YES1: variants seen among roughly 807,000 people sequenced by gnomAD.
YES1 encodes the protein tyrosine-protein kinase Yes.
YES1 carries 39 observed loss-of-function variants against 70.4 expected under a neutral mutation model. The ratio of observed to expected loss-of-function variants is 0.55; its 90% CI spans 0.43 to 0.72. The LOEUF is 0.72. Among genes scored for constraint, YES1 ranks in the 30% least tolerant of loss-of-function variants. The pLI, the probability that YES1 is intolerant of heterozygous loss-of-function variation, is 0.00. For missense variants in YES1, 495 were observed against 644.8 expected, an observed-to-expected ratio of 0.77 and a Z score of 2.52; for synonymous variants, 198 against 218.6, an observed-to-expected ratio of 0.91 and a Z score of 0.83.
At chr18:787,667 G>A (rs183586541) in intron 1 of YES1, among the ~76,000 whole-genome samples, 60 of 151,624 alleles carry the variant, frequency 4.0e-4, no homozygotes, top group Non-Finnish European at 6.8e-4. Flanking sequence ...CTGAAATCGC[G>A]CCACTGCACT....
chr18:740,636 A>C (rs2080206617), intron 8 of YES1, among the ~76,000 whole-genome samples: 4 of 152,188 alleles, frequency 2.6e-5, no homozygotes, highest in Admixed American at 2.6e-4. Context: ...TGGGACAATG[A>C]GTTTGGACAG....
At chr18:804,368 G>A (rs919509304) in intron 1 of YES1, among the ~76,000 whole-genome samples, 1 of 152,180 alleles carries the variant, frequency 6.6e-6, no homozygotes, top group Non-Finnish European at 1.5e-5. Context: ...AATACTTTGG[G>A]AGGCCAAGGC....
chr18:722,400 T>TA lies in YES1; in HGVS notation c.*2023dup, dbSNP rs1314440168. On this transcript the variant is annotated 3_prime_UTR_variant, in exon 12 of 12. Coordinates refer to ENST00000314574, the MANE Select transcript of YES1 (RefSeq NM_005433.4). ...TAAAAATGGTTTGAATTTGAACATATATGCCATGGCACAGAATTTCGAATC... is the reference window on the plus strand; with the variant it reads ...TAAAAATGGTTTGAATTTGAACATATAATGCCATGGCACAGAATTTCGAATC... 5 of 152,610 alleles carry TA rather than the reference T, an allele frequency of 3.3e-5. No homozygotes were observed. The highest frequency in any genetic ancestry group is 1.2e-4 in the African/African-American group (5 of 41,430). 9.5% of individuals were successfully genotyped at this position (152,610 alleles called of 1,614,324 possible). A position where few individuals can be genotyped will look rare whatever the true frequency, so the allele number is the denominator to read the frequency against.
chr18:726,749 C>T (rs957913390), intron 11 of YES1, among the ~76,000 whole-genome samples: 3 of 125,224 alleles, frequency 2.4e-5, no homozygotes, highest in Non-Finnish European at 4.7e-5. Flanking sequence ...CCACTGCACT[C>T]CAGCCTGGGT....
chr18:739,442 T>A (rs1019228438), intron 9 of YES1: 13 of 225,426 alleles, frequency 5.8e-5, no homozygotes, highest in African/African-American at 2.7e-4. Flanking sequence ...ACAAAAAAAA[T>A]AATTTTTTAA....
intron 1 of YES1, among the ~76,000 whole-genome samples, chr18:766,242 T>G (rs896686587): frequency 2.6e-5 from 4 of 152,164 alleles, no homozygotes; most frequent in Admixed American, 2.0e-4. Flanking sequence ...GTTGGCTAGT[T>G]GAGCCATGAG....
intron 4 of YES1, 119 bp downstream of exon 4, chr18:747,801 C>T (rs1430113491): frequency 2.5e-6 from 2 of 797,704 alleles, no homozygotes; most frequent in Non-Finnish European, 4.0e-6. Flanking sequence ...TAATATGATA[C>T]ATAAGCTGTA....
chr18:765,467 T>C (rs1904859321), intron 1 of YES1, among the ~76,000 whole-genome samples: 1 of 150,442 alleles, frequency 6.6e-6, no homozygotes. Flanking sequence ...GGCGTGATCT[T>C]GGCTCAGTGC....
chr18:760,942 A>G (rs922851327), intron 1 of YES1, among the ~76,000 whole-genome samples: 3 of 152,220 alleles, frequency 2.0e-5, no homozygotes, highest in African/African-American at 7.2e-5. Flanking sequence ...CTTATGCATG[A>G]AAAGAAAAAG....
chr18:792,684 T>G (rs1906330346), intron 1 of YES1, among the ~76,000 whole-genome samples: 1 of 151,684 alleles, frequency 6.6e-6, no homozygotes, highest in Non-Finnish European at 1.5e-5. Context: ...GCAGCAGCCA[T>G]GTGCAGTGGC....
At chr18:773,818 C>G (rs1280499624) in intron 1 of YES1, among the ~76,000 whole-genome samples, 1 of 147,162 alleles carries the variant, frequency 6.8e-6, no homozygotes, top group Non-Finnish European at 1.5e-5. Flanking sequence ...CTCTCTCTCT[C>G]TTCCTTAAAA....
chr18:779,836 G>A (rs1426644694), intron 1 of YES1, among the ~76,000 whole-genome samples: 2 of 151,638 alleles, frequency 1.3e-5, no homozygotes, highest in East Asian at 1.9e-4. Context: ...GGCACTGCAC[G>A]TACTCTTCTT....
chr18:811,660 C>G (rs995772123), intron 1 of YES1, among the ~76,000 whole-genome samples: 1 of 152,362 alleles, frequency 6.6e-6, no homozygotes, highest in African/African-American at 2.4e-5. Context: ...GCCCCACACA[C>G]CCGCTCCTCT....
At chr18:767,994 C>T (rs1241757038) in intron 1 of YES1, among the ~76,000 whole-genome samples, 1 of 152,184 alleles carries the variant, frequency 6.6e-6, no homozygotes, top group East Asian at 1.9e-4. Flanking sequence ...AGCCACTGTG[C>T]CCAGCCTTTT....
intron 1 of YES1, among the ~76,000 whole-genome samples, chr18:794,601 A>G (rs747250955): frequency 1.2e-4 from 19 of 152,120 alleles, no homozygotes; most frequent in Non-Finnish European, 2.5e-4. Context: ...ATTATGTCAT[A>G]GTTCTGGAGG....
chr18:736,895 T>C lies in YES1; in HGVS notation c.1204A>G (p.Ile402Val). 6.2e-7 allele frequency: 1 copy of C among 1,612,956 alleles called. No individual in the cohort carries two copies. The highest frequency in any genetic ancestry group is 1.7e-5 in the Admixed American group (1 of 60,018). ...CACACAAGATTTTCTCCTACAAGAA[T>C]ATTAGCAGCCCGAAGATCTCGGTGA... The part of the protein sequence containing the change: ...YIHRDLRAAN[I>V]LVGENLVCKI... Residue 402 changes from isoleucine (I) to valine (V), a missense_variant, in exon 10 of 12, where the codon ATT becomes GTT. Physicochemically the swap from Ile to Val is conservative, Grantham distance 29. This residue lies in a region of YES1 where 385 missense variants were observed against 540.9 expected (regional missense o/e 0.71). Transcript: ENST00000314574.
intron 8 of YES1, among the ~76,000 whole-genome samples, 175 bp downstream of exon 8, chr18:742,743 C>T (rs1033887118): frequency 6.6e-6 from 1 of 152,158 alleles, no homozygotes; most frequent in Non-Finnish European, 1.5e-5. Flanking sequence ...GTCATACTAT[C>T]CTCTGGAATA....
chr18:785,634 G>A lies in YES1; in HGVS notation c.-9+26480C>T, dbSNP rs149398061. Among the ~76,000 whole-genome samples the A allele has an allele frequency of 1.9e-3, 283 of 152,296 alleles. 1 individual carries two copies. The highest frequency in any genetic ancestry group is 6.1e-3 in the African/African-American group (255 of 41,564). ...TTAATCCACAATGCAACAGTGTTGA[G>A]AGGTGGGATCTTTAAGATGTAAATA... On this transcript the variant is annotated intron_variant, in intron 1 of 11. Transcript: ENST00000314574.
chr18:786,299 A>G (rs1905936322), intron 1 of YES1, among the ~76,000 whole-genome samples: 1 of 152,026 alleles, frequency 6.6e-6, no homozygotes, highest in South Asian at 2.1e-4. Flanking sequence ...TCACAATATC[A>G]AACATGGAGA....
Sources: gnomAD v4.1 joint callset for allele counts (sites outside exome capture counted in the v4.1 genomes callset) on GRCh38, gnomAD v4.1.1 for gene constraint, gnomAD v4.1.1 regional missense constraint, MANE v1.5 for transcripts, NCBI Gene and HGNC (gene_info 2026-07-23, HGNC 2026-07-21) for gene names.